R3HDM2: variants seen among roughly 807,000 people sequenced by gnomAD.
The protein encoded by R3HDM2 is R3H domain-containing protein 2.
Under a neutral mutation model 124.5 loss-of-function variants are expected in R3HDM2, and 38 were observed. That is an observed-to-expected ratio of 0.31 (90% confidence interval 0.24 to 0.40). The LOEUF is 0.40. R3HDM2 is among the 10% of genes least tolerant of loss of function. The probability of loss-of-function intolerance (pLI) is 1.00; values close to 1 mark genes in which losing one functional copy is unlikely to be tolerated. For missense variants in R3HDM2, 869 were observed against 1,236.9 expected (o/e 0.70, Z 4.46); for synonymous variants, 391 against 448.0 (o/e 0.87, Z 1.61).
intron 2 of R3HDM2, among the ~76,000 whole-genome samples, chr12:57,394,439 TCTTGTA>T (rs1384107297): frequency 1.3e-5 from 2 of 152,030 alleles, no homozygotes; most frequent in African/African-American, 2.4e-5. Flanking sequence ...CGAAACCCCG[TCTTGTA>T]CTTGTAGTTC....
At chr12:57,333,365 C>T (rs1276344975) in intron 2 of R3HDM2, among the ~76,000 whole-genome samples, 7 of 152,074 alleles carry the variant, frequency 4.6e-5, no homozygotes, top group East Asian at 1.9e-4. Flanking sequence ...TAATAATTTC[C>T]GATGCAGATT....
In R3HDM2 at chr12:57,348,672, C is replaced by T. The variant is rs575053895; in HGVS notation, c.-35-38209G>A. On this transcript the variant is annotated intron_variant, in intron 2 of 23. Transcript: ENST00000402412. ...TTGTGCCACTATACTCTAGCCTGGG[C>T]GACAGAGCGAGACTCCGTCTCAAAA... Among the ~76,000 whole-genome samples, 13 of 127,832 alleles carry T rather than the reference C, an allele frequency of 1.0e-4. No individual in the cohort carries two copies. The East Asian group carries it at 2.0e-3, about 20-fold the overall frequency. The allele number at this position is 127,832 out of a possible 152,430, so 83.9% of individuals were successfully genotyped here.
intron 2 of R3HDM2, among the ~76,000 whole-genome samples, chr12:57,377,471 C>T (rs574525644): frequency 1.1e-4 from 16 of 152,046 alleles, no homozygotes; most frequent in Non-Finnish European, 2.2e-4. Flanking sequence ...TGGGTACTGC[C>T]AAGGACTTTC....
chr12:57,281,148 T>C (rs960464557), intron 13 of R3HDM2, among the ~76,000 whole-genome samples: 1 of 151,554 alleles, frequency 6.6e-6, no homozygotes, highest in Admixed American at 6.6e-5. Flanking sequence ...TTATCCGAGC[T>C]TGAGGGTGGG....
rs886841247 is a variant in R3HDM2, at chr12:57,296,025, G to C, written c.701+386C>G. ...GCTGGGATTACAGGCGCCTGCCACCGCGCCCGGCTAATTTTTGTATTTTTA... is the reference window on the plus strand; with the variant it reads ...GCTGGGATTACAGGCGCCTGCCACCCCGCCCGGCTAATTTTTGTATTTTTA... On this transcript the variant is annotated intron_variant, in intron 9 of 23. Coordinates refer to ENST00000402412, the MANE Select transcript of R3HDM2 (RefSeq NM_001394031.1). The surrounding 1 kb of genome is among the most constrained non-coding windows in gnomAD (Gnocchi z 4.5). Among the ~76,000 whole-genome samples the C allele has an allele frequency of 6.6e-6, 1 of 151,864 alleles. No homozygotes were observed.
chr12:57,303,622 GA>G lies in R3HDM2; in HGVS notation c.166-406del, dbSNP rs201490541. Among the ~76,000 whole-genome samples the G allele has an allele frequency of 1.7e-3, 250 of 148,706 alleles. 1 individual carries two copies. The highest frequency in any genetic ancestry group is 4.5e-3 in the African/African-American group (182 of 40,526). On this transcript the variant is annotated intron_variant, in intron 3 of 23. Coordinates refer to ENST00000402412, the MANE Select transcript of R3HDM2 (RefSeq NM_001394031.1). ...CCAAAAAGACAAAGAAAAAGAAAAA[GA>G]AAAAAAAAATTAGCCATGTGTGGTG...
rs768035471 is a variant in R3HDM2 at position 57,266,830 on chromosome 12, G to C, written c.2032C>G (p.Pro678Ala). The part of the protein sequence containing the change: ...IPPAQQNGTS[P>A]SVGFLQPPGS... ...GGGGGTTGCAGAAACCCTACAGAAG[G>C]GCTGGGAAGACAGAGAAGAGAGGAG... The change falls in exon 19 of 24, where the codon CCT becomes GCT. Residue 678 changes from proline to alanine, a missense_variant and splice_region_variant. By Grantham distance (27) the Pro-to-Ala change is conservative. Coordinates refer to ENST00000402412, the MANE Select transcript of R3HDM2 (RefSeq NM_001394031.1). 1 of 1,589,092 alleles carries C rather than the reference G, an allele frequency of 6.3e-7. No homozygotes were observed. Among genetic ancestry groups the C allele is most frequent in the African/African-American group, 1.3e-5 (1 of 74,238 alleles).
rs562139276 is a variant in R3HDM2, at chr12:57,253,920, C to T, written c.*853G>A. On this transcript the variant is annotated 3_prime_UTR_variant, in exon 24 of 24. Transcript: ENST00000402412. Reference sequence around the variant, plus strand: ...TTAAATACTGTGTCTGTTACTGCGGCACGAACCTCAAACAAACAATATACA... The same window carrying T: ...TTAAATACTGTGTCTGTTACTGCGGTACGAACCTCAAACAAACAATATACA... 1.2e-4 allele frequency: 35 copies of T among 288,734 alleles called. No individual in the cohort carries two copies. The highest frequency in any genetic ancestry group is 1.0e-3 in the South Asian group (33 of 32,706). The allele number at this position is 288,734 out of a possible 1,614,324, so 17.9% of individuals were successfully genotyped here.
chr12:57,301,198 C>T (rs776467016), intron 4 of R3HDM2, among the ~76,000 whole-genome samples: 1 of 152,092 alleles, frequency 6.6e-6, no homozygotes, highest in South Asian at 2.1e-4. Context: ...AAAACCTAAT[C>T]TGCCCGCTTT....
chr12:57,420,911 C>T (rs907275756), intron 1 of R3HDM2, among the ~76,000 whole-genome samples: 9 of 152,162 alleles, frequency 5.9e-5, no homozygotes, highest in Non-Finnish European at 4.4e-5. Context: ...ACCTAGCAGG[C>T]ATTTCCATAT....
chr12:57,413,117 C>T (rs2069162162), intron 1 of R3HDM2, among the ~76,000 whole-genome samples: 2 of 152,072 alleles, frequency 1.3e-5, no homozygotes, highest in East Asian at 3.9e-4. Context: ...CATGCCACTA[C>T]ACTCCAGCCT....
In R3HDM2 at chr12:57,281,144, G is replaced by A. The variant is rs1033851201; in HGVS notation, c.1172-614C>T. 2.6e-5 allele frequency among the ~76,000 whole-genome samples: 4 copies of A among 151,824 alleles called. No individual in the cohort carries two copies. In the East Asian group the frequency reaches 5.8e-4, roughly 22 times the overall value. On this transcript the variant is annotated intron_variant, in intron 13 of 23. Coordinates refer to ENST00000402412, the MANE Select transcript of R3HDM2 (RefSeq NM_001394031.1). ...TCTACTGAAAATATAAAAATTATCCGAGCTTGAGGGTGGGCGCCTGTAATC... is the reference window on the plus strand; with the variant it reads ...TCTACTGAAAATATAAAAATTATCCAAGCTTGAGGGTGGGCGCCTGTAATC...
chr12:57,330,278 A>G (rs1260716606), intron 2 of R3HDM2, among the ~76,000 whole-genome samples: 1 of 147,690 alleles, frequency 6.8e-6, no homozygotes. Flanking sequence ...ATTATTCATT[A>G]TTAATGTACA....
At chr12:57,428,918 T>C (rs1396911433) in intron 1 of R3HDM2, among the ~76,000 whole-genome samples, 1 of 152,034 alleles carries the variant, frequency 6.6e-6, no homozygotes, top group Non-Finnish European at 1.5e-5. Flanking sequence ...GGCTACTTTT[T>C]GTATTTTTAG....
chr12:57,312,629 G>T (rs1470794298), intron 2 of R3HDM2, among the ~76,000 whole-genome samples: 1 of 152,040 alleles, frequency 6.6e-6, no homozygotes, highest in Non-Finnish European at 1.5e-5. Flanking sequence ...CCAACACTTT[G>T]GGAAGCCGAG....
At chr12:57,280,764 T>A (rs1463341059) in intron 13 of R3HDM2, among the ~76,000 whole-genome samples, 3 of 152,196 alleles carry the variant, frequency 2.0e-5, no homozygotes, top group African/African-American at 7.2e-5. Context: ...AGGAACCACC[T>A]TGACTGTCAA....
intron 2 of R3HDM2, among the ~76,000 whole-genome samples, chr12:57,335,342 G>A (rs1048842160): frequency 3.3e-5 from 5 of 151,608 alleles, no homozygotes; most frequent in African/African-American, 4.8e-5. Context: ...CAAGTAGCTG[G>A]GACTACAGAC....
At chr12:57,389,462 G>A (rs1038251542) in intron 2 of R3HDM2, among the ~76,000 whole-genome samples, 2 of 152,060 alleles carry the variant, frequency 1.3e-5, no homozygotes, top group Admixed American at 6.6e-5. Context: ...AACTCCAAAG[G>A]AATATTTCAA....
At chr12:57,331,959 A>G (rs1195323326) in intron 2 of R3HDM2, among the ~76,000 whole-genome samples, 1 of 151,710 alleles carries the variant, frequency 6.6e-6, no homozygotes, top group Non-Finnish European at 1.5e-5. Flanking sequence ...GCATGGTGGC[A>G]TGTACCTGTA....
Sources: allele counts gnomAD v4.1 joint callset (sites outside exome capture counted in the v4.1 genomes callset), GRCh38; gene constraint gnomAD v4.1.1; non-coding constraint Gnocchi (gnomAD v3.1); transcripts MANE v1.5; gene names NCBI Gene and HGNC (gene_info 2026-07-23, HGNC 2026-07-21).